LAMA2: variants seen among roughly 807,000 people sequenced by gnomAD.
The protein encoded by LAMA2 is laminin subunit alpha 2, also known as laminin subunit alpha-2.
A neutral mutation model predicts 364.8 loss-of-function variants in LAMA2; 269 were observed. The ratio of observed to expected loss-of-function variants is 0.74; its 90% CI spans 0.67 to 0.82. LAMA2 has a LOEUF of 0.82. Ranked by LOEUF, LAMA2 falls within the 40% of genes least tolerant of loss-of-function variation. LAMA2 has a pLI of 0.00. For synonymous variants in LAMA2, 1,379 were observed against 1,370.6 expected, an observed-to-expected ratio of 1.01 and a Z score of -0.14; for missense variants, 3,807 against 3,873.2, an observed-to-expected ratio of 0.98 and a Z score of 0.45.
At chr6:129,329,444 C>G (rs1004562983) in intron 29 of LAMA2, among the ~76,000 whole-genome samples, 3 of 152,170 alleles carry the variant, frequency 2.0e-5, no homozygotes, top group Admixed American at 2.0e-4. Context: ...TCACTGCAAC[C>G]TCCGACTCCC....
intron 4 of LAMA2, among the ~76,000 whole-genome samples, chr6:129,115,096 A>G (rs1799559711): frequency 6.6e-6 from 1 of 152,048 alleles, no homozygotes. Flanking sequence ...AGATCTATAT[A>G]CTTCCTCTAT....
intron 4 of LAMA2, among the ~76,000 whole-genome samples, chr6:129,124,487 G>A (rs931092154): frequency 1.3e-5 from 2 of 152,212 alleles, no homozygotes; most frequent in African/African-American, 2.4e-5. Context: ...GGAGGCATCA[G>A]CTGGCCTGCT....
chr6:129,207,558 A>T (rs1782758759), intron 12 of LAMA2, among the ~76,000 whole-genome samples: 1 of 152,136 alleles, frequency 6.6e-6, no homozygotes, highest in African/African-American at 2.4e-5. Context: ...TCAATAGTGT[A>T]AGAATCATAC....
intron 16 of LAMA2, among the ~76,000 whole-genome samples, chr6:129,268,397 T>C (rs963457226): frequency 6.6e-6 from 1 of 152,006 alleles, no homozygotes; most frequent in African/African-American, 2.4e-5. Flanking sequence ...TAGGAAATAA[T>C]ACTCAGCCCA....
At chr6:129,322,958 G>A (rs950016158) in intron 28 of LAMA2, among the ~76,000 whole-genome samples, 2 of 152,132 alleles carry the variant, frequency 1.3e-5, no homozygotes, top group Admixed American at 6.6e-5. Context: ...CTAAGAATAT[G>A]TACAAATTGT....
intron 1 of LAMA2, among the ~76,000 whole-genome samples, chr6:128,957,165 A>G (rs1334763620): frequency 6.6e-6 from 1 of 152,170 alleles, no homozygotes; most frequent in South Asian, 2.1e-4. Context: ...TTGAGTGTTT[A>G]TTATGAGTAT....
At chr6:129,338,521 C>A (rs915949727) in intron 29 of LAMA2, among the ~76,000 whole-genome samples, 1 of 152,144 alleles carries the variant, frequency 6.6e-6, no homozygotes, top group Non-Finnish European at 1.5e-5. Flanking sequence ...GATTATGGCA[C>A]TTAAATCAAT....
intron 53 of LAMA2, 142 bp downstream of exon 53, chr6:129,475,543 T>C: frequency 1.6e-6 from 1 of 611,934 alleles, no homozygotes; most frequent in Non-Finnish European, 2.9e-6. Flanking sequence ...CCGTGCATTC[T>C]GTGAGAGTTC....
chr6:129,486,946 G>T (rs781531914), intron 56 of LAMA2, among the ~76,000 whole-genome samples: 3 of 152,184 alleles, frequency 2.0e-5, no homozygotes, highest in Non-Finnish European at 2.9e-5. Flanking sequence ...AATAAGGTAT[G>T]CACACAGCAA....
At chr6:129,009,188 G>A (rs1294865132) in intron 1 of LAMA2, among the ~76,000 whole-genome samples, 1 of 151,902 alleles carries the variant, frequency 6.6e-6, no homozygotes, top group Non-Finnish European at 1.5e-5. Context: ...TCAAACTGAG[G>A]ATCAGTATTT....
intron 1 of LAMA2, 112 bp downstream of exon 1, chr6:128,883,469 A>G (rs1313147453): frequency 4.6e-6 from 7 of 1,513,280 alleles, no homozygotes; most frequent in Non-Finnish European, 6.2e-6. Context: ...CTTCGCCTTC[A>G]GAGAGTGCGC....
chr6:129,374,384 A>G (rs1316618686), intron 34 of LAMA2, among the ~76,000 whole-genome samples: 1 of 152,138 alleles, frequency 6.6e-6, no homozygotes, highest in African/African-American at 2.4e-5. Flanking sequence ...CTAGACTAGG[A>G]CTGCACATTG....
chr6:129,331,073 G>A (rs1036397897), intron 29 of LAMA2, among the ~76,000 whole-genome samples: 18 of 152,050 alleles, frequency 1.2e-4, no homozygotes, highest in African/African-American at 4.3e-4. Flanking sequence ...GTTTCACTGT[G>A]TTAGCCAGGA....
At position 129,297,829 on chromosome 6, in the gene LAMA2, C is replaced by T. The variant is rs1255753553; in HGVS notation, c.3001C>T (p.His1001Tyr). The change falls in exon 21 of 65, where the codon CAC becomes TAC. Residue 1001 changes from histidine (H) to tyrosine (Y), a missense_variant. By Grantham distance (83) the His-to-Tyr change is moderately conservative (BLOSUM62 2). Around this residue, in one of 3 missense-constraint regions of LAMA2, gnomAD observed 3,333 missense variants for 3,345.7 expected, o/e 1.00. Coordinates refer to ENST00000421865, the MANE Select transcript of LAMA2 (RefSeq NM_000426.4). ...VTGKKCDRCA[H>Y]GYFNFQEGGC... Reference sequence around the variant, plus strand: ...AGGGAAGAAATGTGACCGCTGTGCCCACGGCTATTTCAACTTCCAAGAAGG... The same window carrying T: ...AGGGAAGAAATGTGACCGCTGTGCCTACGGCTATTTCAACTTCCAAGAAGG... 1.9e-6 allele frequency: 3 copies of T among 1,613,860 alleles called. No homozygotes were observed. The highest frequency in any genetic ancestry group is 1.3e-5 in the African/African-American group (1 of 75,004).
chr6:129,405,678 T>C (rs1307231946), intron 40 of LAMA2, among the ~76,000 whole-genome samples: 3 of 152,150 alleles, frequency 2.0e-5, no homozygotes, highest in Admixed American at 6.5e-5. Flanking sequence ...TGTTGGAATG[T>C]TTTTCATGAA....
intron 31 of LAMA2, 54 bp from the exon 32 acceptor site, chr6:129,353,110 G>A (rs982960785): frequency 1.4e-6 from 2 of 1,381,796 alleles, no homozygotes; most frequent in Non-Finnish European, 2.0e-6. Flanking sequence ...ACACAACAAT[G>A]TGGAGACATG....
chr6:129,402,372 A>T lies in LAMA2; in HGVS notation c.5611A>T (p.Asn1871Tyr). 2 of 1,613,978 alleles carry T rather than the reference A, an allele frequency of 1.2e-6. No homozygotes were observed. The highest frequency in any genetic ancestry group is 1.7e-6 in the Non-Finnish European group (2 of 1,179,878). Residue 1871 changes from asparagine to tyrosine, a missense_variant, in exon 39 of 65, where the codon AAT (asparagine) becomes TAT (tyrosine). Transcript: ENST00000421865. ...ATTGCCACCTATGTCTGAGGAGCTTAATGATAAAATAGATGACCTCTCCCA... is the reference window on the plus strand; with the variant it reads ...ATTGCCACCTATGTCTGAGGAGCTTTATGATAAAATAGATGACCTCTCCCA... Reference protein sequence around the residue: ...TKLPPMSEELNDKIDDLSQEI... With the variant: ...TKLPPMSEELYDKIDDLSQEI...
rs1774481906 is a variant in LAMA2, at chr6:129,314,887, G to A, written c.3555+89G>A. On this transcript the variant is annotated intron_variant, in intron 24 of 64. Transcript: ENST00000421865. ...CAGGCACTGAGGGGTAGTAGAAAAT[G>A]GCAAAACATTTAAGTAACCTTTTCC... 6 of 1,369,768 alleles carry A rather than the reference G, an allele frequency of 4.4e-6. No homozygotes were observed. In the South Asian group the frequency reaches 7.0e-5, roughly 16 times the overall value. 84.9% of individuals were successfully genotyped at this position (1,369,768 alleles called of 1,614,324 possible).
At chr6:129,370,785 CCATA>C (rs1023477309) in intron 34 of LAMA2, among the ~76,000 whole-genome samples, 1 of 152,170 alleles carries the variant, frequency 6.6e-6, no homozygotes, top group African/African-American at 2.4e-5. Flanking sequence ...TTAACAATGG[CCATA>C]CAATTTGCTA....
Sources: allele counts gnomAD v4.1 joint callset (sites outside exome capture counted in the v4.1 genomes callset), GRCh38; gene constraint gnomAD v4.1.1; regional missense constraint gnomAD v4.1.1; transcripts MANE v1.5; gene names NCBI Gene and HGNC (gene_info 2026-07-23, HGNC 2026-07-21).